ATP2C1: variants seen among roughly 807,000 people sequenced by gnomAD.
The protein encoded by ATP2C1 is ATPase secretory pathway Ca2+ transporting 1, also known as calcium-transporting ATPase type 2C member 1.
Under a neutral mutation model 120.5 loss-of-function variants are expected in ATP2C1, and 31 were observed. That is an observed-to-expected ratio of 0.26 (90% CI 0.19 to 0.35). The LOEUF is 0.35. Ranked by LOEUF, ATP2C1 falls within the 10% of genes least tolerant of loss-of-function variation. ATP2C1 has a pLI of 1.00. For missense variants in ATP2C1, 731 were observed against 1,107.5 expected (o/e 0.66, Z 4.83); for synonymous variants, 351 against 358.7 (o/e 0.98, Z 0.24).
At chr3:130,941,495 C>T (rs958680279) in intron 7 of ATP2C1, 96 bp from the exon 8 acceptor site, 1 of 932,924 alleles carries the variant, frequency 1.1e-6, no homozygotes, top group Admixed American at 2.0e-5. Flanking sequence ...CTTATATTTG[C>T]CTTTTCCTCA....
intron 2 of ATP2C1, among the ~76,000 whole-genome samples, chr3:130,909,833 C>T (rs1030738170): frequency 2.6e-5 from 4 of 151,524 alleles, no homozygotes; most frequent in East Asian, 1.9e-4. Flanking sequence ...GTTGGTTTTT[C>T]GGTATAGTAG....
chr3:130,850,742 C>T, exon 1 of ATP2C1: 1 of 636,762 alleles, frequency 1.6e-6, no homozygotes, highest in Non-Finnish European at 2.5e-6. Context: ...CTTTAGGCAT[C>T]TGAGGAATTG....
chr3:130,965,194 C>T, intron 14 of ATP2C1, 149 bp downstream of exon 14: 1 of 663,800 alleles, frequency 1.5e-6, no homozygotes, highest in Non-Finnish European at 2.7e-6. Flanking sequence ...TTTACCAAGT[C>T]TTTGTCTCAT....
rs777222918 is a variant in ATP2C1, at chr3:130,997,602, T to C, written c.2244-4T>C. On this transcript the variant is annotated splice_polypyrimidine_tract_variant and splice_region_variant and intron_variant, in intron 24 of 27. Coordinates refer to ENST00000510168, the MANE Select transcript of ATP2C1 (RefSeq NM_001378687.1). ...AGTAATTTATTTTTCTGTTTGTTTT[T>C]AAGCCTTGGAGTAGAACCAGTGGAT... 1.3e-5 allele frequency: 21 copies of C among 1,612,730 alleles called. No individual in the cohort carries two copies. In the South Asian group the frequency reaches 2.1e-4, roughly 16 times the overall value.
At chr3:130,933,452 T>C (rs1323411969) in intron 4 of ATP2C1, among the ~76,000 whole-genome samples, 1 of 152,190 alleles carries the variant, frequency 6.6e-6, no homozygotes, top group East Asian at 1.9e-4. Context: ...TTAATCCTTA[T>C]AACAGTTCTT....
intron 16 of ATP2C1, among the ~76,000 whole-genome samples, chr3:130,968,455 T>C (rs145516198): frequency 1.3e-5 from 2 of 152,218 alleles, no homozygotes; most frequent in African/African-American, 4.8e-5. Context: ...CAATGCAAAT[T>C]CAGAGCTGGG....
chr3:130,884,930 C>CTTTTTTTTTTTTTT (rs35931105), intron 1 of ATP2C1, among the ~76,000 whole-genome samples: 3 of 120,860 alleles, frequency 2.5e-5, no homozygotes, highest in Non-Finnish European at 5.1e-5. Flanking sequence ...TCTTTTCTTT[C>CTTTTTTTTTTTTTT]TTTTTTTTTT....
intron 26 of ATP2C1, among the ~76,000 whole-genome samples, chr3:131,014,905 A>G (rs1022476345): frequency 6.6e-6 from 1 of 152,232 alleles, no homozygotes; most frequent in African/African-American, 2.4e-5. Flanking sequence ...AATCAGTGTA[A>G]CATCTCTGTG....
intron 13 of ATP2C1, 106 bp downstream of exon 13, chr3:130,964,201 T>C: frequency 6.5e-7 from 1 of 1,528,638 alleles, no homozygotes; most frequent in South Asian, 1.1e-5. Flanking sequence ...TGCATAATGA[T>C]GTTTGGCTTA....
intron 9 of ATP2C1, 114 bp from the exon 10 acceptor site, chr3:130,954,898 T>G: frequency 1.3e-6 from 1 of 758,022 alleles, no homozygotes; most frequent in East Asian, 2.6e-5. Context: ...GGAGTGTGTA[T>G]GTTAGACATC....
At chr3:130,982,044 A>G (rs778317016) in intron 20 of ATP2C1, among the ~76,000 whole-genome samples, 34 of 151,914 alleles carry the variant, frequency 2.2e-4, no homozygotes, top group Admixed American at 1.8e-3. Flanking sequence ...TAGTTTTTCA[A>G]TTTCTTCTTT....
At chr3:130,993,492 A>T (rs1177065358) in intron 21 of ATP2C1, among the ~76,000 whole-genome samples, 3 of 152,210 alleles carry the variant, frequency 2.0e-5, no homozygotes, top group Non-Finnish European at 2.9e-5. Flanking sequence ...CAACCTTGGC[A>T]CCATTGACAT....
Position 131,002,411 on chromosome 3 carries a change from C to G in ATP2C1, c.*1061C>G, listed in dbSNP as rs2062933625. 1 of 985,314 alleles carries G rather than the reference C, an allele frequency of 1.0e-6. No individual in the cohort carries two copies. The highest frequency in any genetic ancestry group is 1.7e-5 in the African/African-American group (1 of 57,248). 61.0% of individuals were successfully genotyped at this position (985,314 alleles called of 1,614,324 possible). A position where few individuals can be genotyped will look rare whatever the true frequency, so the allele number is the denominator to read the frequency against. ...TGGAAGATTCTTTGCTGGTCTTGCT[C>G]TGTGTGCATCTGAAGCTTCTTTGGC... is the stretch of plus-strand genomic sequence containing the variant. On this transcript the variant is annotated 3_prime_UTR_variant, in exon 28 of 28. Coordinates refer to ENST00000510168, the MANE Select transcript of ATP2C1 (RefSeq NM_001378687.1).
intron 1 of ATP2C1, among the ~76,000 whole-genome samples, chr3:130,885,593 CA>C (rs2068947423): frequency 7.4e-6 from 1 of 134,950 alleles, no homozygotes; most frequent in Non-Finnish European, 1.7e-5. Flanking sequence ...ATTGCATAAA[CA>C]AAAACACATT....
Position 130,940,736 on chromosome 3 carries a change from G to T in ATP2C1, c.422+45G>T, listed in dbSNP as rs189700445. The T allele has an allele frequency of 2.4e-5, 33 of 1,400,152 alleles. No individual in the cohort carries two copies. The East Asian group carries it at 4.3e-4, about 18-fold the overall frequency. The allele number at this position is 1,400,152 out of a possible 1,614,324, so 86.7% of individuals were successfully genotyped here. A position where few individuals can be genotyped will look rare whatever the true frequency, so the allele number is the denominator to read the frequency against. ...ATGGATTTCTGCCCCTTTAAAAATA[G>T]AAGTTGAATGTGACTAGTACCGTAC... On this transcript the variant is annotated intron_variant, in intron 7 of 27. Coordinates refer to ENST00000510168, the MANE Select transcript of ATP2C1 (RefSeq NM_001378687.1).
At chr3:130,934,501 C>T (rs1559942051) in intron 4 of ATP2C1, 121 bp from the exon 5 acceptor site, 2 of 666,914 alleles carry the variant, frequency 3.0e-6, no homozygotes, top group Non-Finnish European at 5.3e-6. Context: ...ATAAAATAAA[C>T]TGAGTATAGA....
At chr3:131,014,541 T>C (rs1209878194) in intron 26 of ATP2C1, among the ~76,000 whole-genome samples, 1 of 152,228 alleles carries the variant, frequency 6.6e-6, no homozygotes, top group East Asian at 1.9e-4. Flanking sequence ...ATCTGTTCTT[T>C]GAAGGAAGGA....
intron 12 of ATP2C1, among the ~76,000 whole-genome samples, chr3:130,961,534 A>C (rs1291424540): frequency 6.6e-6 from 1 of 152,060 alleles, no homozygotes; most frequent in Non-Finnish European, 1.5e-5. Context: ...GCTGAAGATG[A>C]CTAAAACAAT....
At chr3:130,995,100 T>G (rs563186662) in intron 22 of ATP2C1, among the ~76,000 whole-genome samples, 103 of 152,090 alleles carry the variant, frequency 6.8e-4, no homozygotes, top group Admixed American at 1.3e-3. Flanking sequence ...CTAAGAAAAA[T>G]GAGCTTAGAG....
Sources: allele counts gnomAD v4.1 joint callset (sites outside exome capture counted in the v4.1 genomes callset), GRCh38; gene constraint gnomAD v4.1.1; transcripts MANE v1.5; gene names NCBI Gene and HGNC (gene_info 2026-07-23, HGNC 2026-07-21).